Variants in PRKAR2A observed in about 807,000 individuals in gnomAD.
PRKAR2A encodes protein kinase cAMP-dependent type II regulatory subunit alpha.
Under a neutral mutation model 51.9 loss-of-function variants are expected in PRKAR2A, and 29 were observed. That is an observed-to-expected ratio of 0.56 (90% CI 0.42 to 0.76). The LOEUF (loss-of-function observed/expected upper bound fraction) is 0.76, where lower values mean the gene tolerates loss of function less well. PRKAR2A is among the 30% of genes least tolerant of loss of function. PRKAR2A has a pLI of 0.00. For missense variants in PRKAR2A, 445 were observed against 512.1 expected (o/e 0.87, Z 1.26); for synonymous variants, 178 against 186.2 (o/e 0.96, Z 0.36).
chr3:48,771,336 T>G (rs934206767), intron 6 of PRKAR2A, among the ~76,000 whole-genome samples: 3 of 152,132 alleles, frequency 2.0e-5, no homozygotes, highest in African/African-American at 7.2e-5. Flanking sequence ...AGTGAGACTC[T>G]GTCTCAACAA....
intron 2 of PRKAR2A, among the ~76,000 whole-genome samples, chr3:48,803,125 G>C (rs115431745): frequency 7.4e-4 from 113 of 152,274 alleles, no homozygotes; most frequent in African/African-American, 2.6e-3. Flanking sequence ...GAACAGAAGA[G>C]TGAAAAAAGC....
At chr3:48,780,467 G>T (rs551739298) in intron 5 of PRKAR2A, among the ~76,000 whole-genome samples, 1 of 151,864 alleles carries the variant, frequency 6.6e-6, no homozygotes, top group East Asian at 2.0e-4. Flanking sequence ...GCCGGGCATG[G>T]TGACGGGCGC....
chr3:48,782,405 C>G lies in PRKAR2A; in HGVS notation c.542+581G>C, dbSNP rs185983285. Among the ~76,000 whole-genome samples the G allele has an allele frequency of 2.3e-3, 347 of 152,156 alleles. 1 individual carries two copies. Among genetic ancestry groups the G allele is most frequent in the Admixed American group, 8.8e-3 (134 of 15,248 alleles). ...CAAATAACATGTTTATAAAGCACAC[C>G]CTGCACTCCTTACTAACTGTAAAGG... On this transcript the variant is annotated intron_variant, in intron 5 of 10. Coordinates refer to ENST00000265563, the MANE Select transcript of PRKAR2A (RefSeq NM_004157.4).
chr3:48,790,101 T>C (rs934765231), intron 4 of PRKAR2A, among the ~76,000 whole-genome samples: 1 of 152,088 alleles, frequency 6.6e-6, no homozygotes, highest in Admixed American at 6.6e-5. Flanking sequence ...TGAGTACTGC[T>C]ATATGGTGAC....
intron 4 of PRKAR2A, among the ~76,000 whole-genome samples, chr3:48,785,152 G>A (rs1575874792): frequency 1.3e-5 from 2 of 149,584 alleles, no homozygotes; most frequent in East Asian, 2.0e-4. Flanking sequence ...GTGCAGTGGC[G>A]CGATCTTGGT....
chr3:48,796,972 T>G (rs2107329952), intron 2 of PRKAR2A, among the ~76,000 whole-genome samples: 1 of 152,142 alleles, frequency 6.6e-6, no homozygotes, highest in South Asian at 2.1e-4. Flanking sequence ...TCTTCACTCC[T>G]CTTATATCCT....
intron 4 of PRKAR2A, among the ~76,000 whole-genome samples, 193 bp downstream of exon 4, chr3:48,790,351 A>G (rs2082364596): frequency 6.6e-6 from 1 of 152,208 alleles, no homozygotes; most frequent in Non-Finnish European, 1.5e-5. Context: ...GGACTACCAC[A>G]CTAAAAGGCA....
chr3:48,764,720 G>A (rs531594612), intron 8 of PRKAR2A, among the ~76,000 whole-genome samples: 54 of 152,258 alleles, frequency 3.5e-4, no homozygotes, highest in African/African-American at 1.2e-3. Flanking sequence ...TGCCTCCTGG[G>A]TTCCAGCAAT....
At chr3:48,764,825 A>G (rs935519908) in intron 8 of PRKAR2A, among the ~76,000 whole-genome samples, 179 bp downstream of exon 8, 2 of 152,168 alleles carry the variant, frequency 1.3e-5, no homozygotes, top group South Asian at 2.1e-4. Flanking sequence ...GAGTTTTACC[A>G]TGTTGGCCAG....
intron 1 of PRKAR2A, among the ~76,000 whole-genome samples, chr3:48,828,894 C>T (rs752957259): frequency 6.6e-6 from 1 of 151,822 alleles, no homozygotes; most frequent in South Asian, 2.1e-4. Context: ...AGTGCAGTAG[C>T]GCGATCTCAG....
At chr3:48,755,578 T>C (rs1559600561) in intron 9 of PRKAR2A, among the ~76,000 whole-genome samples, 1 of 151,676 alleles carries the variant, frequency 6.6e-6, no homozygotes, top group Non-Finnish European at 1.5e-5. Flanking sequence ...TTCCAATCTC[T>C]TTTTATTATA....
chr3:48,756,927 C>G (rs1354762334), intron 8 of PRKAR2A, among the ~76,000 whole-genome samples: 1 of 152,206 alleles, frequency 6.6e-6, no homozygotes, highest in African/African-American at 2.4e-5. Context: ...CTGAGTTAAT[C>G]TAGTCCCAGG....
intron 1 of PRKAR2A, among the ~76,000 whole-genome samples, chr3:48,828,022 C>T (rs2083098125): frequency 6.6e-6 from 1 of 152,016 alleles, no homozygotes; most frequent in Admixed American, 6.6e-5. Flanking sequence ...CCCGCCACCA[C>T]ACCTGGTTAA....
intron 1 of PRKAR2A, among the ~76,000 whole-genome samples, chr3:48,838,243 G>A (rs1317589993): frequency 6.6e-6 from 1 of 152,072 alleles, no homozygotes; most frequent in Non-Finnish European, 1.5e-5. Flanking sequence ...ATAGGCAAAT[G>A]GTAGAGACAA....
rs908910308 is a variant in PRKAR2A, at chr3:48,749,481, A to C, written c.*2104T>G. 6.6e-6 allele frequency: 1 copy of C among 151,690 alleles called. No homozygotes were observed. The highest frequency in any genetic ancestry group is 2.4e-5 in the African/African-American group (1 of 41,176). The allele number at this position is 151,690 out of a possible 1,614,324, so 9.4% of individuals were successfully genotyped here. On this transcript the variant is annotated 3_prime_UTR_variant, in exon 11 of 11. Coordinates refer to ENST00000265563, the MANE Select transcript of PRKAR2A (RefSeq NM_004157.4). ...ATTCTATGAAATTGTAAATGATGCC[A>C]AATTTTTTTTTTTTTTTTGAGATGG... is the stretch of plus-strand genomic sequence containing the variant.
chr3:48,779,059 T>C (rs1453636103), intron 5 of PRKAR2A, among the ~76,000 whole-genome samples: 2 of 151,682 alleles, frequency 1.3e-5, no homozygotes, highest in Non-Finnish European at 2.9e-5. Context: ...ACTCCTGACC[T>C]CAAGTGCTCC....
chr3:48,752,847 T>G (rs894574062), intron 9 of PRKAR2A, among the ~76,000 whole-genome samples: 1 of 151,268 alleles, frequency 6.6e-6, no homozygotes, highest in African/African-American at 2.4e-5. Context: ...ACAGGAGTGA[T>G]TCACTGCTCC....
intron 8 of PRKAR2A, among the ~76,000 whole-genome samples, chr3:48,758,027 G>C (rs1255205845): frequency 6.6e-6 from 1 of 152,100 alleles, no homozygotes; most frequent in East Asian, 1.9e-4. Flanking sequence ...TTGCACTCCA[G>C]CCTGGGCGAC....
intron 5 of PRKAR2A, 58 bp downstream of exon 5, chr3:48,782,927 GC>G: frequency 8.2e-7 from 1 of 1,212,816 alleles, no homozygotes. Context: ...TAAAGCATCT[GC>G]CCTGAGTCAT....
Sources: allele counts gnomAD v4.1 joint callset (sites outside exome capture counted in the v4.1 genomes callset), GRCh38; gene constraint gnomAD v4.1.1; transcripts MANE v1.5; gene names NCBI Gene and HGNC (gene_info 2026-07-23, HGNC 2026-07-21).